The following KSR1 variants were observed in gnomAD, a reference collection of about 807,000 sequenced individuals.
The protein encoded by KSR1 is kinase suppressor of ras 1.
In KSR1, 35 loss-of-function variants were observed where a neutral mutation model predicts 92.9. The observed-to-expected ratio is 0.38, with a 90% CI of 0.29 to 0.50. The LOEUF (loss-of-function observed/expected upper bound fraction) is 0.50, where lower values mean the gene tolerates loss of function less well. KSR1 is among the 20% of genes least tolerant of loss of function. The pLI is 0.94. For synonymous variants in KSR1, 467 were observed against 472.6 expected (o/e 0.99, Z 0.15); for missense variants, 972 against 1,158.5 (o/e 0.84, Z 2.34).
chr17:27,597,472 A>T, intron 10 of KSR1, 36 bp downstream of exon 10: 1 of 1,564,294 alleles, frequency 6.4e-7, no homozygotes, highest in Non-Finnish European at 8.7e-7. Flanking sequence ...GTTCTAAGGG[A>T]TACAGTCAGA....
intron 1 of KSR1, among the ~76,000 whole-genome samples, chr17:27,505,151 C>T (rs573175835): frequency 2.8e-4 from 42 of 152,298 alleles, no homozygotes; most frequent in African/African-American, 1.0e-3. Flanking sequence ...ACTATGGCCA[C>T]GGGCTATGAC....
At chr17:27,460,050 G>T (rs543107546) in intron 1 of KSR1, among the ~76,000 whole-genome samples, 6 of 152,234 alleles carry the variant, frequency 3.9e-5, no homozygotes, top group African/African-American at 9.6e-5. Flanking sequence ...TTGAAACCAG[G>T]GTATTAATCT....
chr17:27,560,236 G>A (rs2151111916), intron 2 of KSR1: 1 of 359,770 alleles, frequency 2.8e-6, no homozygotes, highest in South Asian at 2.1e-5. Flanking sequence ...GCAGCAGCTG[G>A]GGAAATGATT....
Position 27,591,640 on chromosome 17 carries a change from A to G in KSR1, c.1131-721A>G, listed in dbSNP as rs181673680. Among the ~76,000 whole-genome samples the G allele has an allele frequency of 2.8e-3, 426 of 152,300 alleles. 1 individual carries two copies. The highest frequency in any genetic ancestry group is 9.5e-3 in the African/African-American group (394 of 41,550). The stretch of plus-strand genomic sequence containing the variant: ...TATCAGCTGGACCCATTACTTTCCC[A>G]GCGACTCTCCTGACCTCTAGGGAGT... On this transcript the variant is annotated intron_variant, in intron 7 of 20. Coordinates refer to ENST00000644974, the MANE Select transcript of KSR1 (RefSeq NM_001394583.1).
At chr17:27,590,480 A>G (rs372370202) in intron 6 of KSR1, among the ~76,000 whole-genome samples, 53 of 152,298 alleles carry the variant, frequency 3.5e-4, no homozygotes, top group African/African-American at 1.1e-3. Context: ...ATGTGGGCCT[A>G]TGTGTTGGAT....
chr17:27,605,431 CAGGCTGAGGAGCCAG>C lies in KSR1; in HGVS notation c.1619_1633del (p.Glu540_Ala544del). On this transcript the variant is annotated splice_acceptor_variant and coding_sequence_variant, in exon 14 of 21. Transcript: ENST00000644974. LOFTEE classifies it high-confidence loss of function. ...ATCCCTGTTCTTCCTGCTCTCCTTTCAGGCTGAGGAGCCAGAGGCTGGCAAGTCAGAGGCAGAAGA... is the reference window on the plus strand; with the variant it reads ...ATCCCTGTTCTTCCTGCTCTCCTTTCAGGCTGGCAAGTCAGAGGCAGAAGA... 6.2e-7 allele frequency: 1 copy of C among 1,608,254 alleles called. No homozygotes were observed. The highest frequency in any genetic ancestry group is 8.5e-7 in the Non-Finnish European group (1 of 1,178,764).
chr17:27,470,180 T>G (rs1416369464), intron 1 of KSR1, among the ~76,000 whole-genome samples: 2 of 151,564 alleles, frequency 1.3e-5, no homozygotes, highest in African/African-American at 4.9e-5. Flanking sequence ...CTCACCCTCC[T>G]GAGTAGCTGG....
At position 27,456,492 on chromosome 17, in the gene KSR1, G is replaced by A. The variant is rs2019163288; in HGVS notation, c.-152G>A. 5 of 393,208 alleles carry A rather than the reference G, an allele frequency of 1.3e-5. No individual in the cohort carries two copies. Among genetic ancestry groups the A allele is most frequent in the Non-Finnish European group, 1.8e-5 (4 of 224,748 alleles). 24.4% of individuals were successfully genotyped at this position (393,208 alleles called of 1,614,324 possible). ...TGCTGCCGCGGCTGGGAGGGTGGAA[G>A]CGGCAGACTCAGCGGCCGGCTCTAC... On this transcript the variant is annotated 5_prime_UTR_variant, in exon 1 of 21. Coordinates refer to ENST00000644974, the MANE Select transcript of KSR1 (RefSeq NM_001394583.1).
rs1567900078 is a variant in KSR1 at position 27,621,955 on chromosome 17, AC to A, written c.2708+684del. 3 of 1,612,666 alleles carry A rather than the reference AC, an allele frequency of 1.9e-6. No individual in the cohort carries two copies. The South Asian group carries it at 3.3e-5, about 18-fold the overall frequency. The stretch of plus-strand genomic sequence containing the variant: ...TTGTAGGCCTGGCTGCCTTGCATGC[AC>A]CAGGGGCTTTCTTCCTCCTAATCAA... On this transcript the variant is annotated intron_variant, in intron 20 of 20. Transcript: ENST00000644974.
intron 1 of KSR1, among the ~76,000 whole-genome samples, chr17:27,476,676 A>T (rs996092046): frequency 6.6e-6 from 1 of 152,042 alleles, no homozygotes; most frequent in African/African-American, 2.4e-5. Context: ...CACTGCCCCC[A>T]CTCTGAGAAA....
At chr17:27,607,346 C>T (rs1050705239) in intron 14 of KSR1, among the ~76,000 whole-genome samples, 4 of 152,066 alleles carry the variant, frequency 2.6e-5, no homozygotes, top group African/African-American at 7.2e-5. Context: ...CCCTCCTCAC[C>T]CGGGGTTTTA....
chr17:27,589,308 C>T (rs1167885450), intron 6 of KSR1, among the ~76,000 whole-genome samples: 2 of 152,126 alleles, frequency 1.3e-5, no homozygotes, highest in East Asian at 1.9e-4. Flanking sequence ...TAGCTGTTTG[C>T]CCCCAGAGTC....
chr17:27,601,195 C>A, intron 10 of KSR1, 165 bp from the exon 11 acceptor site: 1 of 608,722 alleles, frequency 1.6e-6, no homozygotes, highest in Non-Finnish European at 2.9e-6. Context: ...CAGCTCTTTT[C>A]CTCCTTCCTG....
chr17:27,531,620 T>C (rs2070543228), intron 1 of KSR1, among the ~76,000 whole-genome samples: 1 of 152,228 alleles, frequency 6.6e-6, no homozygotes, highest in Non-Finnish European at 1.5e-5. Context: ...GCTTCAGCCC[T>C]GCTCCTCTGA....
intron 1 of KSR1, among the ~76,000 whole-genome samples, chr17:27,501,380 C>T (rs1270417025): frequency 2.1e-5 from 3 of 139,918 alleles, no homozygotes; most frequent in Non-Finnish European, 4.5e-5. Context: ...GATTCTCCTG[C>T]CTCAGCCTCA....
rs766327610 is a variant in KSR1, at chr17:27,577,565, G to T, written c.446G>T (p.Arg149Leu). 3.1e-6 allele frequency: 5 copies of T among 1,605,750 alleles called. No homozygotes were observed. In the East Asian group the frequency reaches 8.9e-5, roughly 29 times the overall value. ...GCCAAGGTGAAGGAGACGCTGCGGC[G>T]CTGTGGGGCCAGCGGGGATGAGTGT... ...NEAKVKETLR[R>L]CGASGDECGR... Residue 149 changes from arginine (R) to leucine (L), a missense_variant, in exon 3 of 21, where the codon CGC becomes CTC. Physicochemically the swap from Arg to Leu is moderately radical, Grantham distance 102 (BLOSUM62 -2). Around this residue, in one of 5 missense-constraint regions of KSR1, gnomAD observed 611 missense variants for 668.0 expected, o/e 0.91. Transcript: ENST00000644974. The surrounding 1 kb of genome is among the most constrained non-coding windows in gnomAD (Gnocchi z 4.5).
chr17:27,538,259 A>G (rs576560072), intron 1 of KSR1, among the ~76,000 whole-genome samples: 7 of 152,324 alleles, frequency 4.6e-5, no homozygotes, highest in African/African-American at 9.6e-5. Context: ...TTCTCCTACA[A>G]TGAGTCTGGA....
chr17:27,528,303 G>A (rs2070395895), intron 1 of KSR1, among the ~76,000 whole-genome samples: 1 of 152,166 alleles, frequency 6.6e-6, no homozygotes, highest in Admixed American at 6.5e-5. Context: ...CTGACCTCAG[G>A]TGATCTGCCC....
chr17:27,521,369 T>TCCATTGC (rs1490775903), intron 1 of KSR1, among the ~76,000 whole-genome samples: 2 of 142,776 alleles, frequency 1.4e-5, no homozygotes, highest in Non-Finnish European at 3.0e-5. Flanking sequence ...AGGGTCTAGC[T>TCCATTGC]CCATTGCCCA....
Sources: gnomAD v4.1 joint callset for allele counts (sites outside exome capture counted in the v4.1 genomes callset) on GRCh38, gnomAD v4.1.1 for gene constraint, gnomAD v4.1.1 regional missense constraint, Gnocchi (gnomAD v3.1) non-coding constraint, MANE v1.5 for transcripts, NCBI Gene and HGNC (gene_info 2026-07-23, HGNC 2026-07-21) for gene names.